Variants in CALCR observed in about 807,000 individuals in gnomAD.
CALCR encodes the protein calcitonin receptor.
A neutral mutation model predicts 59.5 loss-of-function variants in CALCR; 47 were observed. The ratio of observed to expected loss-of-function variants is 0.79; its 90% CI spans 0.63 to 1.01. The LOEUF (loss-of-function observed/expected upper bound fraction) is 1.01. CALCR is among the 50% of genes least tolerant of loss of function. The pLI, the probability that CALCR is intolerant of heterozygous loss-of-function variation, is 0.00. For synonymous variants in CALCR, 213 were observed against 211.3 expected (o/e 1.01, Z -0.07); for missense variants, 566 against 597.1 (o/e 0.95, Z 0.54).
At chr7:93,487,500 A>G (rs1584576512) in intron 2 of CALCR, among the ~76,000 whole-genome samples, 1 of 151,430 alleles carries the variant, frequency 6.6e-6, no homozygotes, top group African/African-American at 2.4e-5. Flanking sequence ...TTTCCTATAA[A>G]TGTTTCTTTA....
In CALCR at chr7:93,440,380, G is replaced by T. The variant is rs932785867; in HGVS notation, c.803-2110C>A. ...TATTTTTTTCTTGAGAAATTAATTG[G>T]TATTAATTTCACCCATTTTCCTCCC... On this transcript the variant is annotated intron_variant, in intron 9 of 13. Coordinates refer to ENST00000426151, the MANE Select transcript of CALCR (RefSeq NM_001742.4). Among the ~76,000 whole-genome samples the T allele has an allele frequency of 4.6e-5, 7 of 151,856 alleles. No individual in the cohort carries two copies. In the South Asian group the frequency reaches 1.5e-3, roughly 32 times the overall value.
In CALCR at chr7:93,483,008, G is replaced by A. The variant is rs145751147; in HGVS notation, c.52-3501C>T. 3.0e-3 allele frequency among the ~76,000 whole-genome samples: 463 copies of A among 151,850 alleles called. 1 individual carries two copies. The highest frequency in any genetic ancestry group is 0.011 in the African/African-American group (439 of 41,502). ...AATAACATACCCATTGGGGCATTAC[G>A]TTTATACATACAGTCATCCCTTGGT... On this transcript the variant is annotated intron_variant, in intron 3 of 13. Transcript: ENST00000426151.
intron 7 of CALCR, among the ~76,000 whole-genome samples, chr7:93,462,878 A>C (rs1305519559): frequency 6.6e-6 from 1 of 151,968 alleles, no homozygotes; most frequent in Non-Finnish European, 1.5e-5. Context: ...ACCTGCTGAC[A>C]CAGTATATAT....
chr7:93,492,018 T>C (rs1411709632), intron 2 of CALCR, among the ~76,000 whole-genome samples: 1 of 151,830 alleles, frequency 6.6e-6, no homozygotes, highest in Non-Finnish European at 1.5e-5. Context: ...CCATCAAAGA[T>C]AGACCGTATA....
chr7:93,483,541 G>T (rs998809750), intron 3 of CALCR, among the ~76,000 whole-genome samples: 22 of 150,272 alleles, frequency 1.5e-4, no homozygotes, highest in Non-Finnish European at 2.8e-4. Flanking sequence ...TACAATCATG[G>T]AATTACTACT....
At chr7:93,475,655 T>G (rs1320679061) in intron 5 of CALCR, among the ~76,000 whole-genome samples, 1 of 151,844 alleles carries the variant, frequency 6.6e-6, no homozygotes, top group Non-Finnish European at 1.5e-5. Context: ...GTCATTCCAC[T>G]CATGAACAAG....
At chr7:93,495,286 A>AGATTATT (rs2115975679) in intron 2 of CALCR, among the ~76,000 whole-genome samples, 1 of 151,494 alleles carries the variant, frequency 6.6e-6, no homozygotes, top group Non-Finnish European at 1.5e-5. Flanking sequence ...CTTTGACATA[A>AGATTATT]GATTATTTGT....
intron 2 of CALCR, among the ~76,000 whole-genome samples, chr7:93,554,400 T>G (rs1334111242): frequency 6.6e-6 from 1 of 152,072 alleles, no homozygotes; most frequent in Non-Finnish European, 1.5e-5. Flanking sequence ...ACCTTACATA[T>G]GCAAATTTTC....
At chr7:93,544,734 G>T (rs1789240013) in intron 2 of CALCR, among the ~76,000 whole-genome samples, 1 of 152,142 alleles carries the variant, frequency 6.6e-6, no homozygotes, top group African/African-American at 2.4e-5. Flanking sequence ...AAGCTTCTCA[G>T]CAACAGTGTG....
At position 93,479,478 on chromosome 7, in the gene CALCR, T is replaced by C. The variant is rs780870954; in HGVS notation, c.81A>G (p.Ser27=). ...NHPTPILPAF[S]NQTYPTIEPK... is the part of the protein sequence containing the mutation. Reference sequence around the variant, plus strand: ...GCTCTATTGTTGGATAGGTTTGATTTGAAAAGGCAGGAAGAATTGGGGTTG... The same window carrying C: ...GCTCTATTGTTGGATAGGTTTGATTCGAAAAGGCAGGAAGAATTGGGGTTG... The change falls in exon 4 of 14, where the codon TCA becomes TCG. Residue 27 remains serine (S), a synonymous_variant. Coordinates refer to ENST00000426151, the MANE Select transcript of CALCR (RefSeq NM_001742.4). The C allele has an allele frequency of 8.9e-5, 144 of 1,612,318 alleles. 1 individual carries two copies. In the Admixed American group the frequency reaches 2.4e-3, roughly 27 times the overall value.
intron 2 of CALCR, among the ~76,000 whole-genome samples, chr7:93,488,213 G>A (rs1800991758): frequency 6.6e-6 from 1 of 151,692 alleles, no homozygotes; most frequent in African/African-American, 2.4e-5. Flanking sequence ...AATGCTGAGA[G>A]ATTTTGTTAC....
intron 2 of CALCR, among the ~76,000 whole-genome samples, chr7:93,519,973 T>C (rs1440185609): frequency 6.6e-6 from 1 of 152,044 alleles, no homozygotes; most frequent in East Asian, 1.9e-4. Flanking sequence ...TCTTGGGAAA[T>C]TCTTTATAGC....
At chr7:93,474,733 G>A (rs796420661) in intron 5 of CALCR, among the ~76,000 whole-genome samples, 1 of 151,694 alleles carries the variant, frequency 6.6e-6, no homozygotes, top group South Asian at 2.1e-4. Flanking sequence ...AATATGCAGG[G>A]AGATTTTGCA....
intron 2 of CALCR, among the ~76,000 whole-genome samples, chr7:93,551,895 A>G (rs1313447560): frequency 6.6e-6 from 1 of 152,220 alleles, no homozygotes; most frequent in African/African-American, 2.4e-5. Flanking sequence ...TATTTTCAAT[A>G]TAGATGACAC....
rs193190325 is a variant in CALCR at position 93,500,752 on chromosome 7, G to A, written c.-26-13745C>T. On this transcript the variant is annotated intron_variant, in intron 2 of 13. Coordinates refer to ENST00000426151, the MANE Select transcript of CALCR (RefSeq NM_001742.4). Reference sequence around the variant, plus strand: ...AAGCTTGAATGGGAGCTATCCTCATGCACCCCCTTAATACACATATCTCCC... The same window carrying A: ...AAGCTTGAATGGGAGCTATCCTCATACACCCCCTTAATACACATATCTCCC... 1.1e-3 allele frequency among the ~76,000 whole-genome samples: 166 copies of A among 152,002 alleles called. 1 individual carries two copies. Among genetic ancestry groups the A allele is most frequent in the Middle Eastern group, 3.4e-3 (1 of 294 alleles).
chr7:93,541,411 C>T (rs1311069180), intron 2 of CALCR, among the ~76,000 whole-genome samples: 1 of 152,062 alleles, frequency 6.6e-6, no homozygotes, highest in African/African-American at 2.4e-5. Context: ...GATCCGCCTG[C>T]CTCGGCCTCC....
intron 2 of CALCR, among the ~76,000 whole-genome samples, chr7:93,558,576 T>A (rs1030025562): frequency 2.0e-5 from 3 of 152,268 alleles, no homozygotes; most frequent in Non-Finnish European, 4.4e-5. Flanking sequence ...TTCTTGATAG[T>A]CTTTTAAATA....
chr7:93,529,102 A>G (rs138302963), intron 2 of CALCR, among the ~76,000 whole-genome samples: 1 of 152,136 alleles, frequency 6.6e-6, no homozygotes, highest in Non-Finnish European at 1.5e-5. Flanking sequence ...TATAGTTTGT[A>G]TATTTGTCTC....
At chr7:93,458,499 G>A (rs923893353) in intron 8 of CALCR, among the ~76,000 whole-genome samples, 2 of 152,068 alleles carry the variant, frequency 1.3e-5, no homozygotes, top group African/African-American at 2.4e-5. Flanking sequence ...CACTGCCCTG[G>A]GCCCACAGAA....
Sources: allele counts gnomAD v4.1 joint callset (sites outside exome capture counted in the v4.1 genomes callset), GRCh38; gene constraint gnomAD v4.1.1; transcripts MANE v1.5; gene names NCBI Gene and HGNC (gene_info 2026-07-23, HGNC 2026-07-21).